Variants in TTLL10 observed in about 807,000 individuals in gnomAD.
The protein encoded by TTLL10 is tubulin tyrosine ligase like 10.
TTLL10 carries 61 observed loss-of-function variants against 69.0 expected under a neutral mutation model. The ratio of observed to expected loss-of-function variants is 0.88; its 90% CI spans 0.72 to 1.09. The LOEUF (loss-of-function observed/expected upper bound fraction) is 1.09. TTLL10 is among the 50% of genes least tolerant of loss of function. The pLI is 0.00. For missense variants in TTLL10, 962 were observed against 945.9 expected (o/e 1.02, Z -0.22); for synonymous variants, 408 against 393.3 (o/e 1.04, Z -0.44).
intron 4 of TTLL10, 67 bp from the exon 5 acceptor site, chr1:1,179,590 C>T (rs1274774098): frequency 1.9e-6 from 3 of 1,546,370 alleles, no homozygotes; most frequent in Admixed American, 2.0e-5. Context: ...CCTCGTCTCC[C>T]GGCCTGACAA....
chr1:1,187,005 C>T (rs1307711898), intron 13 of TTLL10, among the ~76,000 whole-genome samples: 2 of 145,924 alleles, frequency 1.4e-5, no homozygotes, highest in African/African-American at 4.9e-5. Flanking sequence ...CGCCACCACG[C>T]CCGGCTAATT....
chr1:1,197,421 TC>T lies in TTLL10; in HGVS notation c.1613-12del. 8.0e-7 allele frequency: 1 copy of T among 1,252,140 alleles called. No individual in the cohort carries two copies. The allele number at this position is 1,252,140 out of a possible 1,614,324, so 77.6% of individuals were successfully genotyped here. A position where few individuals can be genotyped will look rare whatever the true frequency, so the allele number is the denominator to read the frequency against. On this transcript the variant is annotated splice_polypyrimidine_tract_variant and intron_variant, in intron 15 of 15. Transcript: ENST00000379289. ...GCCTCTGCCCCCCACTCACCCTCTCTCCCCCACCCGCACCAGACCTGGTGCT... is the reference window on the plus strand; with the variant it reads ...GCCTCTGCCCCCCACTCACCCTCTCTCCCCACCCGCACCAGACCTGGTGCT...
chr1:1,179,833 G>T (rs11260547), intron 5 of TTLL10, 96 bp downstream of exon 5: 212,956 of 1,457,946 alleles, frequency 0.15, 23,366 homozygotes, highest in East Asian at 0.6. Flanking sequence ...CCTGGAGGGT[G>T]GTCACGGCCC....
intron 13 of TTLL10, among the ~76,000 whole-genome samples, chr1:1,188,622 C>G (rs1647519493): frequency 1.3e-5 from 2 of 152,136 alleles, no homozygotes; most frequent in Non-Finnish European, 1.5e-5. Context: ...CCAGGCTGAT[C>G]TCGAACTCCT....
chr1:1,175,417 G>A (rs1646839635), intron 3 of TTLL10: 1 of 331,498 alleles, frequency 3.0e-6, no homozygotes, highest in Non-Finnish European at 5.9e-6. Flanking sequence ...AATTCCCCGT[G>A]GACGGTGAAA....
At position 1,181,644 on chromosome 1, in the gene TTLL10, G is replaced by A. The variant is rs539557466; in HGVS notation, c.756-97G>A. 4.4e-5 allele frequency: 50 copies of A among 1,127,150 alleles called. No homozygotes were observed. Among genetic ancestry groups the A allele is most frequent in the African/African-American group, 1.1e-4 (7 of 63,810 alleles). The allele number at this position is 1,127,150 out of a possible 1,614,324, so 69.8% of individuals were successfully genotyped here. On this transcript the variant is annotated intron_variant, in intron 8 of 15. Coordinates refer to ENST00000379289, the MANE Select transcript of TTLL10 (RefSeq NM_001130045.2). The surrounding 1 kb of genome is among the most constrained non-coding windows in gnomAD (Gnocchi z 4.6). ...CTCCTTCCACCACAACTCACAGTCC[G>A]CCCACTCACCACCCATGCCCCATCC...
chr1:1,187,583 T>C (rs1647438168), intron 13 of TTLL10, among the ~76,000 whole-genome samples: 1 of 151,912 alleles, frequency 6.6e-6, no homozygotes, highest in African/African-American at 2.4e-5. Flanking sequence ...TGAGCCAAGA[T>C]CGTGCCACTG....
intron 13 of TTLL10, among the ~76,000 whole-genome samples, chr1:1,192,189 G>A (rs1037716453): frequency 1.5e-4 from 23 of 152,188 alleles, no homozygotes; most frequent in Non-Finnish European, 7.3e-5. Flanking sequence ...TATTGAAAGC[G>A]GGATATTCAG....
At position 1,197,890 on chromosome 1, in the gene TTLL10, C is replaced by A; in HGVS notation, c.*43C>A. ...CAGCGCCCCGCGCCCCGCGCCCCAGCCGTGCTGCCTGCCCTCAGGGACCTA... is the reference window on the plus strand; with the variant it reads ...CAGCGCCCCGCGCCCCGCGCCCCAGACGTGCTGCCTGCCCTCAGGGACCTA... On this transcript the variant is annotated 3_prime_UTR_variant, in exon 16 of 16. Transcript: ENST00000379289. 2.2e-6 allele frequency: 3 copies of A among 1,390,834 alleles called. No homozygotes were observed. The highest frequency in any genetic ancestry group is 2.8e-6 in the Non-Finnish European group (3 of 1,074,130). The allele number at this position is 1,390,834 out of a possible 1,614,324, so 86.2% of individuals were successfully genotyped here.
intron 13 of TTLL10, among the ~76,000 whole-genome samples, chr1:1,188,507 C>A (rs151325540): frequency 4.6e-5 from 7 of 151,120 alleles, no homozygotes; most frequent in Admixed American, 1.3e-4. Context: ...CAGGTTCAAG[C>A]GATTCTCCTG....
At chr1:1,187,740 A>G (rs1280055786) in intron 13 of TTLL10, among the ~76,000 whole-genome samples, 3 of 152,188 alleles carry the variant, frequency 2.0e-5, no homozygotes, top group Non-Finnish European at 4.4e-5. Context: ...CCCCATCTCT[A>G]CTAAAAATAC....
chr1:1,190,168 G>A (rs1647649325), intron 13 of TTLL10, among the ~76,000 whole-genome samples: 1 of 148,182 alleles, frequency 6.7e-6, no homozygotes, highest in Admixed American at 6.7e-5. Context: ...TTTGTTTAGT[G>A]TACAAAGTAT....
chr1:1,175,709 A>G (rs1309644046), intron 3 of TTLL10: 1 of 456,822 alleles, frequency 2.2e-6, no homozygotes, highest in Non-Finnish European at 4.4e-6. Flanking sequence ...CTTTGCAGCA[A>G]CCCTGCGAGG....
At position 1,185,452 on chromosome 1, in the gene TTLL10, G is replaced by A; in HGVS notation, c.1401+343G>A. The A allele has an allele frequency of 9.0e-7, 1 of 1,104,986 alleles. No individual in the cohort carries two copies. The highest frequency in any genetic ancestry group is 1.1e-6 in the Non-Finnish European group (1 of 906,746). The allele number at this position is 1,104,986 out of a possible 1,614,324, so 68.4% of individuals were successfully genotyped here. Reference sequence around the variant, plus strand: ...TTTCAGATCCTCCACTTGGCAGGCAGGGCCAACAGCAGCCCCCGGGCCAGG... The same window carrying A: ...TTTCAGATCCTCCACTTGGCAGGCAAGGCCAACAGCAGCCCCCGGGCCAGG... On this transcript the variant is annotated intron_variant, in intron 13 of 15. Transcript: ENST00000379289. The surrounding 1 kb of genome is among the most constrained non-coding windows in gnomAD (Gnocchi z 6.1).
At position 1,180,423 on chromosome 1, in the gene TTLL10, C is replaced by A. The variant is rs1404097692; in HGVS notation, c.507-60C>A. ...GGCCCAGCCCGGCCTCCGCTGGCCGCCCGCCATCCCCAACCCCTTGCCTCG... is the reference window on the plus strand; with the variant it reads ...GGCCCAGCCCGGCCTCCGCTGGCCGACCGCCATCCCCAACCCCTTGCCTCG... On this transcript the variant is annotated intron_variant, in intron 6 of 15. Coordinates refer to ENST00000379289, the MANE Select transcript of TTLL10 (RefSeq NM_001130045.2). 3.2e-6 allele frequency: 5 copies of A among 1,540,828 alleles called. No homozygotes were observed. In the Admixed American group the frequency reaches 9.8e-5, roughly 30 times the overall value.
rs141884799 is a variant in TTLL10, at chr1:1,189,645, G to A, written c.1401+4536G>A. On this transcript the variant is annotated intron_variant, in intron 13 of 15. Transcript: ENST00000379289. ...CATTCTTTCCTCTTTTATTTTTGGA[G>A]TCTTTGTGAAGGATTGCTGTTAATT... is the stretch of plus-strand genomic sequence containing the variant. Among the ~76,000 whole-genome samples, 672 of 152,204 alleles carry A rather than the reference G, an allele frequency of 4.4e-3. 4 individuals are homozygous for A. Among genetic ancestry groups the A allele is most frequent in the African/African-American group, 0.015 (615 of 41,510 alleles).
rs1316858047 is a variant in TTLL10 at position 1,180,356 on chromosome 1, G to A, written c.506+16G>A. 1.9e-6 allele frequency: 3 copies of A among 1,548,364 alleles called. No individual in the cohort carries two copies. The Admixed American group carries it at 5.8e-5, about 30-fold the overall frequency. ...GGGCCACAATGTGAGTAGCGGCCCT[G>A]GGCGCCCGTGGTCCCACTGAATACC... On this transcript the variant is annotated intron_variant, in intron 6 of 15. Coordinates refer to ENST00000379289, the MANE Select transcript of TTLL10 (RefSeq NM_001130045.2).
Position 1,197,131 on chromosome 1 carries a change from C to T in TTLL10, c.1557C>T (p.His519=). The T allele has an allele frequency of 6.4e-7, 1 of 1,551,106 alleles. No individual in the cohort carries two copies. Among genetic ancestry groups the T allele is most frequent in the Non-Finnish European group, 8.7e-7 (1 of 1,146,824 alleles). The part of the protein sequence containing the change: ...LLEMNSNPAL[H]TNCEVLKEVI... ...AGATGAATTCTAACCCAGCCCTGCA[C>T]ACCAACTGCGAGGTCCTGAAGGAGG... The change falls in exon 15 of 16, where the codon CAC becomes CAT. Residue 519 remains histidine, a synonymous_variant. Coordinates refer to ENST00000379289, the MANE Select transcript of TTLL10 (RefSeq NM_001130045.2).
intron 13 of TTLL10, 52 bp from the exon 14 acceptor site, chr1:1,196,548 T>G: frequency 3.7e-6 from 5 of 1,363,970 alleles, no homozygotes; most frequent in Non-Finnish European, 1.0e-6. Flanking sequence ...AGACCTGGGG[T>G]GTGATCAGGG....
Sources: allele counts gnomAD v4.1 joint callset (sites outside exome capture counted in the v4.1 genomes callset), GRCh38; gene constraint gnomAD v4.1.1; non-coding constraint Gnocchi (gnomAD v3.1); transcripts MANE v1.5; gene names NCBI Gene and HGNC (gene_info 2026-07-23, HGNC 2026-07-21).